ACYP2: variants seen among roughly 807,000 people sequenced by gnomAD.
The protein encoded by ACYP2 is acylphosphatase 2.
ACYP2 carries 12 observed loss-of-function variants against 11.2 expected under a neutral mutation model. That is an observed-to-expected ratio of 1.08 (90% CI 0.69 to 1.74). The LOEUF (loss-of-function observed/expected upper bound fraction) is 1.74. Ranked by LOEUF, ACYP2 falls within the 40% of genes most tolerant of loss-of-function variation. The pLI is 0.00. For synonymous variants in ACYP2, 43 were observed against 32.2 expected, an observed-to-expected ratio of 1.33 and a Z score of -1.13; for missense variants, 134 against 101.9, an observed-to-expected ratio of 1.31 and a Z score of -1.35.
chr2:54,184,437 C>T (rs903607796), intron 6 of ACYP2, among the ~76,000 whole-genome samples: 4 of 152,062 alleles, frequency 2.6e-5, no homozygotes, highest in Admixed American at 1.3e-4. Flanking sequence ...CTTGCTTAGC[C>T]AAGGGCATCC....
At chr2:54,076,808 C>G (rs1008166606) in intron 4 of ACYP2, among the ~76,000 whole-genome samples, 8 of 152,096 alleles carry the variant, frequency 5.3e-5, no homozygotes, top group Non-Finnish European at 1.2e-4. Flanking sequence ...TCAAATATAG[C>G]TTGCACAGTG....
chr2:54,298,019 G>T (rs1689585436), intron 6 of ACYP2, among the ~76,000 whole-genome samples: 1 of 152,190 alleles, frequency 6.6e-6, no homozygotes, highest in Non-Finnish European at 1.5e-5. Context: ...GAATAATGAG[G>T]TGGCGGTATA....
chr2:54,081,987 A>G (rs759663247), intron 4 of ACYP2, among the ~76,000 whole-genome samples: 1 of 152,196 alleles, frequency 6.6e-6, no homozygotes, highest in Non-Finnish European at 1.5e-5. Context: ...TCTAAAGCCT[A>G]AGACACAAGT....
chr2:54,201,624 G>GTCTC (rs58407886), intron 6 of ACYP2, among the ~76,000 whole-genome samples: 1 of 108,722 alleles, frequency 9.2e-6, no homozygotes, highest in African/African-American at 3.7e-5. Context: ...TTCTTTCTTT[G>GTCTC]TTTCTTTCTT....
At chr2:54,011,301 C>A (rs1477849902) in intron 2 of ACYP2, among the ~76,000 whole-genome samples, 3 of 152,068 alleles carry the variant, frequency 2.0e-5, no homozygotes, top group Non-Finnish European at 4.4e-5. Context: ...CTGACACATC[C>A]CATTTAAACG....
intron 6 of ACYP2, among the ~76,000 whole-genome samples, chr2:54,286,248 C>A (rs1201767096): frequency 6.6e-6 from 1 of 151,934 alleles, no homozygotes; most frequent in Non-Finnish European, 1.5e-5. Flanking sequence ...TGTAGAGTAT[C>A]CACTGTTTAC....
intron 6 of ACYP2, among the ~76,000 whole-genome samples, chr2:54,272,456 A>G (rs1573028944): frequency 1.2e-5 from 1 of 83,378 alleles, no homozygotes; most frequent in South Asian, 2.8e-4. Context: ...TTTCTAGGTC[A>G]TAGTAAGTCT....
intron 2 of ACYP2, among the ~76,000 whole-genome samples, chr2:54,030,160 G>T (rs1296381934): frequency 6.6e-6 from 1 of 152,154 alleles, no homozygotes; most frequent in African/African-American, 2.4e-5. Flanking sequence ...TAAACTGTGG[G>T]GGCCCCAGGA....
rs1288410396 is a variant in ACYP2 at position 54,035,409 on chromosome 2, G to A, written c.63-15549G>A. 3.3e-5 allele frequency among the ~76,000 whole-genome samples: 5 copies of A among 151,738 alleles called. No individual in the cohort carries two copies. In the East Asian group the frequency reaches 9.7e-4, roughly 30 times the overall value. On this transcript the variant is annotated intron_variant, in intron 2 of 6. Coordinates refer to ENST00000607452, the MANE Select transcript of ACYP2 (RefSeq NM_001320586.2). Reference sequence around the variant, plus strand: ...GCCTTCCGAGTAGCTGGGAGTACAGGCGCCCGCCGTCATCCCTGGCTAATT... The same window carrying A: ...GCCTTCCGAGTAGCTGGGAGTACAGACGCCCGCCGTCATCCCTGGCTAATT...
intron 2 of ACYP2, among the ~76,000 whole-genome samples, chr2:54,050,526 A>T (rs190859014): frequency 6.7e-6 from 1 of 149,020 alleles, no homozygotes; most frequent in Non-Finnish European, 1.5e-5. Context: ...AGCCTGGGTG[A>T]TAGAGTGAAA....
chr2:54,163,700 C>G (rs373386145), intron 6 of ACYP2, among the ~76,000 whole-genome samples: 6 of 151,978 alleles, frequency 3.9e-5, no homozygotes, highest in Non-Finnish European at 8.8e-5. Context: ...ACTAAAAATA[C>G]AAAAAATTAG....
Position 54,051,058 on chromosome 2 carries a change from C to G in ACYP2, c.155+8C>G, listed in dbSNP as rs767039875. The stretch of plus-strand genomic sequence containing the variant: ...ATGCTGTTGGGATTACAGGTGAGAA[C>G]CACCGTCCTTGGTCACAAATTCCTT... On this transcript the variant is annotated splice_region_variant and intron_variant, in intron 3 of 6. Transcript: ENST00000607452. The G allele has an allele frequency of 2.0e-6, 1 of 503,378 alleles. No homozygotes were observed. The highest frequency in any genetic ancestry group is 3.5e-6 in the Non-Finnish European group (1 of 287,500). 31.2% of individuals were successfully genotyped at this position (503,378 alleles called of 1,614,324 possible).
At chr2:54,052,346 G>T (rs998112338) in intron 3 of ACYP2, among the ~76,000 whole-genome samples, 8 of 151,886 alleles carry the variant, frequency 5.3e-5, no homozygotes, top group African/African-American at 1.7e-4. Flanking sequence ...TGTCCTGGTG[G>T]CATTTTCAAT....
At chr2:53,990,231 G>T (rs1157147335) in intron 2 of ACYP2, among the ~76,000 whole-genome samples, 1 of 151,774 alleles carries the variant, frequency 6.6e-6, no homozygotes, top group Non-Finnish European at 1.5e-5. Flanking sequence ...TACCCGCCTC[G>T]GCCTCTCAAA....
chr2:53,972,524 G>A (rs1037753684), intron 1 of ACYP2, among the ~76,000 whole-genome samples: 1 of 151,668 alleles, frequency 6.6e-6, no homozygotes, highest in African/African-American at 2.4e-5. Context: ...GGAGAATGGC[G>A]TGAATCCGGG....
chr2:54,252,293 GT>G (rs1027238969), intron 6 of ACYP2, among the ~76,000 whole-genome samples: 3 of 151,402 alleles, frequency 2.0e-5, no homozygotes, highest in East Asian at 3.9e-4. Flanking sequence ...AAAAAATTGG[GT>G]TTTTTTTTCC....
intron 2 of ACYP2, among the ~76,000 whole-genome samples, chr2:54,015,824 C>T (rs1262964561): frequency 1.3e-5 from 2 of 151,998 alleles, no homozygotes; most frequent in African/African-American, 4.8e-5. Context: ...GTAGATTACA[C>T]TGAGTTGTCA....
chr2:54,227,119 T>G (rs1451402264), intron 6 of ACYP2, among the ~76,000 whole-genome samples: 1 of 152,146 alleles, frequency 6.6e-6, no homozygotes, highest in Non-Finnish European at 1.5e-5. Context: ...GGGTTCCAAA[T>G]TGGGCCATCA....
chr2:54,174,385 A>T (rs986259278), intron 6 of ACYP2, among the ~76,000 whole-genome samples: 1 of 152,176 alleles, frequency 6.6e-6, no homozygotes, highest in Non-Finnish European at 1.5e-5. Flanking sequence ...GTATCCTGAG[A>T]CTTTGCTGAA....
Sources: gnomAD v4.1 joint callset for allele counts (sites outside exome capture counted in the v4.1 genomes callset) on GRCh38, gnomAD v4.1.1 for gene constraint, MANE v1.5 for transcripts, NCBI Gene and HGNC (gene_info 2026-07-23, HGNC 2026-07-21) for gene names.